MYBL1: variants seen among roughly 807,000 people sequenced by gnomAD.
MYBL1 encodes myb-related protein A.
MYBL1 carries 17 observed loss-of-function variants against 96.3 expected under a neutral mutation model. The observed-to-expected ratio is 0.18, with a 90% CI of 0.12 to 0.26. The LOEUF (loss-of-function observed/expected upper bound fraction) is 0.26. MYBL1 is among the 10% of genes least tolerant of loss of function. MYBL1 has a pLI of 1.00. For synonymous variants in MYBL1, 282 were observed against 292.7 expected, an observed-to-expected ratio of 0.96 and a Z score of 0.37; for missense variants, 701 against 882.9, an observed-to-expected ratio of 0.79 and a Z score of 2.61.
intron 1 of MYBL1, among the ~76,000 whole-genome samples, chr8:66,610,320 C>T (rs180977114): frequency 1.3e-5 from 2 of 151,702 alleles, no homozygotes; most frequent in African/African-American, 4.8e-5. Context: ...ACAGATACTA[C>T]GGCTATCTTA....
chr8:66,580,969 T>A (rs1452067509), intron 8 of MYBL1, among the ~76,000 whole-genome samples: 1 of 151,684 alleles, frequency 6.6e-6, no homozygotes. Context: ...CAAGCAATTC[T>A]CCTGCCTCAG....
chr8:66,576,950 C>T (rs1808979135), intron 9 of MYBL1, among the ~76,000 whole-genome samples: 1 of 152,144 alleles, frequency 6.6e-6, no homozygotes, highest in East Asian at 1.9e-4. Flanking sequence ...TGTAATCCAG[C>T]ATATAAACAA....
chr8:66,598,302 G>A (rs532296722), intron 4 of MYBL1, among the ~76,000 whole-genome samples: 9 of 152,162 alleles, frequency 5.9e-5, no homozygotes, highest in Non-Finnish European at 1.0e-4. Context: ...TGATGGCTCA[G>A]CCTCTAATCC....
At chr8:66,572,679 G>A (rs866649192) in intron 11 of MYBL1, 83 bp from the exon 12 acceptor site, 16 of 607,088 alleles carry the variant, frequency 2.6e-5, no homozygotes, top group East Asian at 2.3e-4. Flanking sequence ...TTAAGCACAC[G>A]CTAAATTTTC....
In MYBL1 at chr8:66,575,504, T is replaced by A. The variant is rs1206631181; in HGVS notation, c.1470+503A>T. Among the ~76,000 whole-genome samples, 3 of 152,162 alleles carry A rather than the reference T, an allele frequency of 2.0e-5. No individual in the cohort carries two copies. The East Asian group carries it at 5.8e-4, about 29-fold the overall frequency. ...CTCTAAAAACTGTAGTATAATATCATGTAGAACCGGGAGCAGTGGCTCACG... is the reference window on the plus strand; with the variant it reads ...CTCTAAAAACTGTAGTATAATATCAAGTAGAACCGGGAGCAGTGGCTCACG... On this transcript the variant is annotated intron_variant, in intron 10 of 15. Coordinates refer to ENST00000522677, the MANE Select transcript of MYBL1 (RefSeq NM_001080416.4).
chr8:66,583,322 A>G (rs1809290316), intron 8 of MYBL1, among the ~76,000 whole-genome samples: 2 of 152,196 alleles, frequency 1.3e-5, no homozygotes, highest in African/African-American at 4.8e-5. Flanking sequence ...ACCAACACCT[A>G]TGGGATACAG....
At chr8:66,603,958 T>C (rs2130033570) in intron 1 of MYBL1, among the ~76,000 whole-genome samples, 1 of 145,412 alleles carries the variant, frequency 6.9e-6, no homozygotes, top group South Asian at 2.1e-4. Flanking sequence ...GAATCTACAA[T>C]TCATATGAAA....
intron 8 of MYBL1, among the ~76,000 whole-genome samples, chr8:66,590,618 CT>C (rs1317801534): frequency 6.8e-6 from 1 of 147,328 alleles, no homozygotes; most frequent in East Asian, 2.0e-4. Flanking sequence ...AAAAAAAAAA[CT>C]TTTTGTAGGG....
intron 10 of MYBL1, among the ~76,000 whole-genome samples, 161 bp from the exon 11 acceptor site, chr8:66,573,667 A>G (rs924361174): frequency 6.6e-6 from 1 of 152,212 alleles, no homozygotes; most frequent in African/African-American, 2.4e-5. Flanking sequence ...CCATGAGGGT[A>G]GGAATTTTTG....
Position 66,593,217 on chromosome 8 carries a change from T to C in MYBL1, c.688-23A>G, listed in dbSNP as rs752454797. 3 of 1,401,770 alleles carry C rather than the reference T, an allele frequency of 2.1e-6. No individual in the cohort carries two copies. The Admixed American group carries it at 5.7e-5, about 27-fold the overall frequency. The allele number at this position is 1,401,770 out of a possible 1,614,324, so 86.8% of individuals were successfully genotyped here. ...GATCTAAAAAGTAATTAATGCATTA[T>C]TATCATACATATAATGCTATAAATG... On this transcript the variant is annotated intron_variant, in intron 6 of 15. Transcript: ENST00000522677.
chr8:66,592,550 A>G lies in MYBL1; in HGVS notation c.763-6T>C. 1 of 1,518,752 alleles carries G rather than the reference A, an allele frequency of 6.6e-7. No homozygotes were observed. The highest frequency in any genetic ancestry group is 8.9e-7 in the Non-Finnish European group (1 of 1,119,814). 94.1% of individuals were successfully genotyped at this position (1,518,752 alleles called of 1,614,324 possible). ...TCTTCATCAATGAAGGGTTGCTAAA[A>G]TAAGTTAAATAAAAGAGAAAACAGG... On this transcript the variant is annotated splice_polypyrimidine_tract_variant and splice_region_variant and intron_variant, in intron 7 of 15. Coordinates refer to ENST00000522677, the MANE Select transcript of MYBL1 (RefSeq NM_001080416.4).
intron 1 of MYBL1, among the ~76,000 whole-genome samples, chr8:66,607,906 T>C (rs1563555176): frequency 1.3e-5 from 2 of 152,170 alleles, no homozygotes; most frequent in African/African-American, 4.8e-5. Flanking sequence ...TCTCTTTCTT[T>C]TCCTCCCTCT....
Position 66,580,260 on chromosome 8 carries a change from T to C in MYBL1, c.974A>G (p.Asp325Gly). 1 of 1,613,828 alleles carries C rather than the reference T, an allele frequency of 6.2e-7. No individual in the cohort carries two copies. The highest frequency in any genetic ancestry group is 8.5e-7 in the Non-Finnish European group (1 of 1,179,770). ...CTGAGCAGACACAGGCTGATTTTCA[T>C]CCATACTGTAAAACTCACTAGTGTG... The part of the protein sequence containing the change: ...DEHTSEFYSM[D>G]ENQPVSAQQN... Residue 325 changes from aspartate to glycine, a missense_variant, in exon 9 of 16, where the codon GAT becomes GGT. Physicochemically the swap from Asp to Gly is moderately conservative, Grantham distance 94. Transcript: ENST00000522677.
rs1234127081 is a variant in MYBL1, at chr8:66,580,120, A to T, written c.1101+13T>A. ...AAATTGAACTTTTGATAATCTTACA[A>T]TTTTTTACTTACAGATTCAATAAGT... On this transcript the variant is annotated intron_variant, in intron 9 of 15. Transcript: ENST00000522677. The T allele has an allele frequency of 6.4e-7, 1 of 1,567,790 alleles. No individual in the cohort carries two copies. The highest frequency in any genetic ancestry group is 1.1e-5 in the South Asian group (1 of 88,312).
At chr8:66,573,879 C>A (rs1374617217) in intron 10 of MYBL1, among the ~76,000 whole-genome samples, 2 of 152,072 alleles carry the variant, frequency 1.3e-5, no homozygotes, top group African/African-American at 4.8e-5. Context: ...CAGTGTGTAA[C>A]TGAAAAAACA....
rs747789348 is a variant in MYBL1, at chr8:66,593,178, T to C, written c.704A>G (p.Tyr235Cys). Reference protein sequence around the residue: ...YIPVQIPGYQYVSPEGNCIEH... With the variant: ...YIPVQIPGYQCVSPEGNCIEH... The stretch of plus-strand genomic sequence containing the variant: ...TATACAATTGCCTTCAGGTGACACA[T>C]ACTGATACCCAGGGATCTAAAAAGT... The change falls in exon 7 of 16, where the codon TAT becomes TGT. Residue 235 changes from tyrosine to cysteine, a missense_variant. Tyr to Cys is a radical substitution (Grantham distance 194). This residue lies in a region of MYBL1 where 396 missense variants were observed against 407.4 expected (regional missense o/e 0.97). Transcript: ENST00000522677. 1.3e-6 allele frequency: 2 copies of C among 1,581,794 alleles called. No homozygotes were observed. Among genetic ancestry groups the C allele is most frequent in the South Asian group, 1.2e-5 (1 of 86,358 alleles).
At chr8:66,569,933 G>A (rs1808663359) in intron 12 of MYBL1, among the ~76,000 whole-genome samples, 1 of 152,134 alleles carries the variant, frequency 6.6e-6, no homozygotes, top group African/African-American at 2.4e-5. Context: ...AGATATTTAA[G>A]ATATACCTGA....
rs1475712130 is a variant in MYBL1, at chr8:66,592,519, T to C, written c.788A>G (p.Asp263Gly). Residue 263 changes from aspartate (D) to glycine (G), a missense_variant, in exon 8 of 16, where the codon GAT becomes GGT. Asp to Gly is a moderately conservative substitution (Grantham distance 94). Around this residue, in one of 5 missense-constraint regions of MYBL1, gnomAD observed 396 missense variants for 407.4 expected, o/e 0.97. Coordinates refer to ENST00000522677, the MANE Select transcript of MYBL1 (RefSeq NM_001080416.4). ...IQQPFIDEDP[D>G]KEKKIKELEM... is the part of the protein sequence containing the mutation. ...AAGTTCCTTTATTTTCTTTTCCTTA[T>C]CAGGATCTTCATCAATGAAGGGTTG... 1 of 1,598,166 alleles carries C rather than the reference T, an allele frequency of 6.3e-7. No homozygotes were observed. Among genetic ancestry groups the C allele is most frequent in the East Asian group, 2.2e-5 (1 of 44,528 alleles).
At chr8:66,610,524 T>A (rs1043923794) in intron 1 of MYBL1, among the ~76,000 whole-genome samples, 7 of 152,214 alleles carry the variant, frequency 4.6e-5, no homozygotes, top group African/African-American at 1.7e-4. Flanking sequence ...AGTGGTTGTA[T>A]ACTGGAGATC....
Sources: allele counts gnomAD v4.1 joint callset (sites outside exome capture counted in the v4.1 genomes callset), GRCh38; gene constraint gnomAD v4.1.1; regional missense constraint gnomAD v4.1.1; transcripts MANE v1.5; gene names NCBI Gene and HGNC (gene_info 2026-07-23, HGNC 2026-07-21).